CCDC141: variants seen among roughly 807,000 people sequenced by gnomAD.
CCDC141 encodes coiled-coil domain containing 141, also known as coiled-coil domain-containing protein 141.
Under a neutral mutation model 181.0 loss-of-function variants are expected in CCDC141, and 168 were observed. The observed-to-expected ratio is 0.93, with a 90% confidence interval of 0.82 to 1.05. CCDC141 has a LOEUF of 1.05. CCDC141 is among the 50% of genes least tolerant of loss of function. The pLI, the probability that CCDC141 is intolerant of heterozygous loss-of-function variation, is 0.00. For synonymous variants in CCDC141, 666 were observed against 642.3 expected (o/e 1.04, Z -0.56); for missense variants, 1,902 against 1,788.5 (o/e 1.06, Z -1.14).
chr2:178,967,383 G>A (rs550892638), intron 4 of CCDC141, among the ~76,000 whole-genome samples: 2 of 152,182 alleles, frequency 1.3e-5, no homozygotes, highest in African/African-American at 4.8e-5. Flanking sequence ...AAGACTAACA[G>A]CGGATCTCTC....
chr2:178,869,601 T>C (rs909795449), intron 14 of CCDC141, among the ~76,000 whole-genome samples: 5 of 152,342 alleles, frequency 3.3e-5, no homozygotes, highest in East Asian at 1.9e-4. Context: ...ATTCTATTCA[T>C]CTGTTAAGTA....
chr2:178,821,967 T>C, the CCDC141 span, among the ~76,000 whole-genome samples: 10 of 152,278 alleles, frequency 6.6e-5, no homozygotes, highest in East Asian at 5.8e-4. Flanking sequence ...CGTATGTTTA[T>C]TGTGGCACTA....
chr2:178,981,153 G>C (rs990653132), intron 2 of CCDC141, among the ~76,000 whole-genome samples: 1 of 152,080 alleles, frequency 6.6e-6, no homozygotes, highest in Non-Finnish European at 1.5e-5. Context: ...CTATAATAGA[G>C]ACTTCAACAT....
At position 178,878,269 on chromosome 2, in the gene CCDC141, A is replaced by ATATT. The variant is rs1346754664; in HGVS notation, c.1720-130_1720-127dup. The ATATT allele has an allele frequency of 2.2e-4, 69 of 314,482 alleles. No homozygotes were observed. In the Middle Eastern group the frequency reaches 2.7e-3, roughly 12 times the overall value. The allele number at this position is 314,482 out of a possible 1,614,324, so 19.5% of individuals were successfully genotyped here. The stretch of plus-strand genomic sequence containing the variant: ...TTTTCTGAATTTTTAATTTGTAAAC[A>ATATT]TATTTATTTATTTATTTATTTATTT... On this transcript the variant is annotated intron_variant, in intron 11 of 23. Coordinates refer to ENST00000443758, the MANE Select transcript of CCDC141 (RefSeq NM_173648.4).
chr2:179,014,162 A>G (rs554450564), intron 2 of CCDC141, among the ~76,000 whole-genome samples: 156 of 152,166 alleles, frequency 1.0e-3, no homozygotes, highest in Non-Finnish European at 1.7e-3. Context: ...ACAAAAATGT[A>G]AAGCAGGGAA....
chr2:178,869,331 A>G, intron 14 of CCDC141, 26 bp from the exon 15 acceptor site: 1 of 1,550,244 alleles, frequency 6.5e-7, no homozygotes, highest in Non-Finnish European at 8.7e-7. Flanking sequence ...CAATAAAAAA[A>G]TCTTGCTATT....
chr2:178,888,490 C>T, intron 9 of CCDC141, 37 bp downstream of exon 9: 1 of 1,532,928 alleles, frequency 6.5e-7, no homozygotes, highest in Non-Finnish European at 8.8e-7. Context: ...TCTATTATCA[C>T]CAACTTAGAT....
intron 2 of CCDC141, among the ~76,000 whole-genome samples, chr2:179,018,269 C>T (rs1360126809): frequency 6.6e-6 from 1 of 152,076 alleles, no homozygotes; most frequent in African/African-American, 2.4e-5. Flanking sequence ...AAAGAGCAAA[C>T]ATATGTGGCA....
intron 2 of CCDC141, among the ~76,000 whole-genome samples, chr2:178,979,224 A>G (rs146111250): frequency 3.9e-5 from 6 of 152,324 alleles, no homozygotes; most frequent in African/African-American, 1.2e-4. Context: ...AAAAATGAAA[A>G]GGAACATGTG....
chr2:178,899,757 T>G (rs1489490), intron 8 of CCDC141, among the ~76,000 whole-genome samples: 1 of 151,938 alleles, frequency 6.6e-6, no homozygotes, highest in Admixed American at 6.6e-5. Context: ...GAAATTTACA[T>G]TGATTTCCAT....
At chr2:178,862,067 C>T (rs931075914) in intron 17 of CCDC141, among the ~76,000 whole-genome samples, 1 of 152,156 alleles carries the variant, frequency 6.6e-6, no homozygotes, top group African/African-American at 2.4e-5. Flanking sequence ...TATAGCAACA[C>T]TATTCCTCTA....
Position 178,979,559 on chromosome 2 carries a change from A to G in CCDC141, c.226-884T>C, listed in dbSNP as rs1691274706. Among the ~76,000 whole-genome samples the G allele has an allele frequency of 2.0e-5, 3 of 152,192 alleles. No individual in the cohort carries two copies. The South Asian group carries it at 6.2e-4, about 31-fold the overall frequency. On this transcript the variant is annotated intron_variant, in intron 2 of 23. Coordinates refer to ENST00000443758, the MANE Select transcript of CCDC141 (RefSeq NM_173648.4). ...AAACACTATCAGAGTGAGGAAAAAA[A>G]GGCAACAAAATTCAACCAATTTGTG...
At chr2:178,899,375 A>G (rs1687572832) in intron 8 of CCDC141, among the ~76,000 whole-genome samples, 1 of 152,292 alleles carries the variant, frequency 6.6e-6, no homozygotes, top group East Asian at 1.9e-4. Context: ...GTATCACTGT[A>G]CTTGTTTATT....
At chr2:178,818,335 G>A in the CCDC141 span, among the ~76,000 whole-genome samples, 1 of 152,076 alleles carries the variant, frequency 6.6e-6, no homozygotes, top group Admixed American at 6.5e-5. Flanking sequence ...TTGTTACATA[G>A]GTAAACATGT....
intron 7 of CCDC141, among the ~76,000 whole-genome samples, chr2:178,917,710 C>A (rs543013972): frequency 2.0e-5 from 3 of 152,344 alleles, no homozygotes; most frequent in Admixed American, 2.0e-4. Flanking sequence ...CTGAGCCGTA[C>A]TCAAGTGATG....
chr2:178,992,252 T>C (rs2154382517), intron 2 of CCDC141, among the ~76,000 whole-genome samples: 1 of 151,884 alleles, frequency 6.6e-6, no homozygotes, highest in South Asian at 2.1e-4. Context: ...TCTTTCTGTA[T>C]ATTTTCAATT....
intron 23 of CCDC141, 94 bp downstream of exon 23, chr2:178,836,800 C>A: frequency 7.3e-7 from 1 of 1,366,548 alleles, no homozygotes; most frequent in Non-Finnish European, 1.0e-6. Context: ...TATTAATCAG[C>A]TAGCCCTAAA....
At chr2:178,914,806 T>C (rs895339378) in intron 7 of CCDC141, among the ~76,000 whole-genome samples, 3 of 152,188 alleles carry the variant, frequency 2.0e-5, no homozygotes, top group Non-Finnish European at 2.9e-5. Flanking sequence ...AATTCACCTT[T>C]AAATAATAAA....
intron 2 of CCDC141, among the ~76,000 whole-genome samples, chr2:179,015,764 T>TCA (rs1279856030): frequency 7.4e-6 from 1 of 134,942 alleles, no homozygotes; most frequent in Non-Finnish European, 1.6e-5. Context: ...CTCATATATA[T>TCA]CATATATATC....
Sources: gnomAD v4.1 joint callset for allele counts (sites outside exome capture counted in the v4.1 genomes callset) on GRCh38, gnomAD v4.1.1 for gene constraint, MANE v1.5 for transcripts, NCBI Gene and HGNC (gene_info 2026-07-23, HGNC 2026-07-21) for gene names.